NFATC1: variants seen among roughly 807,000 people sequenced by gnomAD.
NFATC1 encodes nuclear factor of activated T cells 1.
NFATC1 carries 22 observed loss-of-function variants against 76.0 expected under a neutral mutation model. The ratio of observed to expected loss-of-function variants is 0.29; its 90% CI spans 0.21 to 0.41. NFATC1 has a LOEUF of 0.41. Among genes scored for constraint, NFATC1 ranks in the 10% least tolerant of loss-of-function variants. The pLI, the probability that NFATC1 is intolerant of heterozygous loss-of-function variation, is 1.00. For missense variants in NFATC1, 1,357 were observed against 1,337.7 expected, an observed-to-expected ratio of 1.01 and a Z score of -0.23; for synonymous variants, 704 against 613.1, an observed-to-expected ratio of 1.15 and a Z score of -2.19.
At chr18:79,400,199 A>C (rs1197206531) in intron 1 of NFATC1, 3 of 1,149,136 alleles carry the variant, frequency 2.6e-6, no homozygotes, top group Non-Finnish European at 3.2e-6. Context: ...GAGTTTATTT[A>C]AAACTCGGAA....
In NFATC1 at chr18:79,524,469, G is replaced by C. The variant is rs1054496697; in HGVS notation, c.2783-3059G>C. 3.3e-5 allele frequency among the ~76,000 whole-genome samples: 5 copies of C among 152,222 alleles called. No individual in the cohort carries two copies. The highest frequency in any genetic ancestry group is 2.0e-4 in the Admixed American group (3 of 15,292). ...GCTGCTGCCATGGGGCAGCGGGAAG[G>C]CCCTGGAGGGTGCCTGGGCTGTGTC... On this transcript the variant is annotated intron_variant, in intron 9 of 9. Coordinates refer to ENST00000427363, the MANE Select transcript of NFATC1 (RefSeq NM_001278669.2). This position sits in a 1 kb window ranked among gnomAD's most constrained non-coding sequence, Gnocchi z 7.2.
At chr18:79,427,965 T>TC (rs2086453651) in intron 2 of NFATC1, among the ~76,000 whole-genome samples, 2 of 9,800 alleles carry the variant, frequency 2.0e-4, no homozygotes. Context: ...GTGCAGTGGG[T>TC]GGCGGGGGGG....
chr18:79,400,598 GA>G, intron 1 of NFATC1: 1 of 936,370 alleles, frequency 1.1e-6, no homozygotes, highest in Non-Finnish European at 1.4e-6. Flanking sequence ...GCGCGCCCGG[GA>G]CCGAGGGGCT....
At chr18:79,427,095 G>C (rs563003093) in intron 2 of NFATC1, among the ~76,000 whole-genome samples, 3 of 152,180 alleles carry the variant, frequency 2.0e-5, no homozygotes, top group African/African-American at 7.2e-5. Context: ...AGCATGTCCC[G>C]GGTTCTTAGG....
chr18:79,507,380 C>T (rs1040443981), intron 9 of NFATC1, among the ~76,000 whole-genome samples: 23 of 152,190 alleles, frequency 1.5e-4, no homozygotes, highest in Admixed American at 9.8e-4. Flanking sequence ...GCCATGCGAG[C>T]GGCCGCGTAA....
chr18:79,478,158 C>A (rs2089151536), intron 8 of NFATC1, among the ~76,000 whole-genome samples: 1 of 140,030 alleles, frequency 7.1e-6, no homozygotes, highest in South Asian at 2.5e-4. Context: ...GTGCTGCAGA[C>A]AGAGCCCCCG....
chr18:79,446,525 A>G (rs1333577859), intron 3 of NFATC1, among the ~76,000 whole-genome samples: 1 of 152,090 alleles, frequency 6.6e-6, no homozygotes, highest in Non-Finnish European at 1.5e-5. Flanking sequence ...TTTTCTTTTT[A>G]CATTTCCCAT....
Position 79,427,132 on chromosome 18 carries a change from G to A in NFATC1, c.1227-6447G>A, listed in dbSNP as rs1470753241. 3.9e-5 allele frequency among the ~76,000 whole-genome samples: 6 copies of A among 152,332 alleles called. No homozygotes were observed. The East Asian group carries it at 9.7e-4, about 25-fold the overall frequency. On this transcript the variant is annotated intron_variant, in intron 2 of 9. Coordinates refer to ENST00000427363, the MANE Select transcript of NFATC1 (RefSeq NM_001278669.2). ...TAAGTGCGTCTTGGCAGGGGGGCCC[G>A]GGGCTGCAGCCCTTCGTGTACCCAC...
chr18:79,451,561 G>T, intron 5 of NFATC1, 115 bp from the exon 6 acceptor site: 1 of 1,211,446 alleles, frequency 8.3e-7, no homozygotes, highest in Non-Finnish European at 1.1e-6. Flanking sequence ...CCCGCAGGTC[G>T]TGGCGGTGCT....
intron 9 of NFATC1, among the ~76,000 whole-genome samples, chr18:79,523,700 C>T (rs1307898939): frequency 6.6e-6 from 1 of 152,040 alleles, no homozygotes; most frequent in Non-Finnish European, 1.5e-5. Context: ...GATGTGGCCT[C>T]GAGGGAGGCT....
intron 2 of NFATC1, among the ~76,000 whole-genome samples, chr18:79,424,929 GTCTC>G (rs140013520): frequency 2.7e-5 from 3 of 109,294 alleles, no homozygotes; most frequent in African/African-American, 6.1e-5. Context: ...GTCTCTCTGT[GTCTC>G]TCTCTGTCTC....
At chr18:79,488,614 G>A (rs2089592220) in intron 9 of NFATC1, among the ~76,000 whole-genome samples, 1 of 152,222 alleles carries the variant, frequency 6.6e-6, no homozygotes, top group South Asian at 2.1e-4. Flanking sequence ...GCCAGCCGGA[G>A]CTCCGCATGG....
At chr18:79,423,324 C>T (rs939879330) in intron 2 of NFATC1, among the ~76,000 whole-genome samples, 6 of 152,232 alleles carry the variant, frequency 3.9e-5, no homozygotes, top group Admixed American at 6.5e-5. Context: ...AGTTCCTGGG[C>T]TGGGCTTACC....
chr18:79,433,633 G>A lies in NFATC1; in HGVS notation c.1281G>A (p.Glu427=), dbSNP rs560678807. The A allele has an allele frequency of 6.2e-7, 1 of 1,613,170 alleles. No homozygotes were observed. Among genetic ancestry groups the A allele is most frequent in the South Asian group, 1.1e-5 (1 of 91,078 alleles). The change falls in exon 3 of 10, where the codon GAG becomes GAA. Residue 427 remains glutamate (E), a synonymous_variant. Transcript: ENST00000427363. ...WQLPSHSGPY[E]LRIEVQPKSH... ...TGCCGTCCCACTCAGGCCCGTATGAGCTTCGGATTGAGGTGCAGCCCAAGT... is the reference window on the plus strand; with the variant it reads ...TGCCGTCCCACTCAGGCCCGTATGAACTTCGGATTGAGGTGCAGCCCAAGT...
rs919191782 is a variant in NFATC1, at chr18:79,410,927, G to C, written c.652G>C (p.Glu218Gln). 1.2e-6 allele frequency: 2 copies of C among 1,605,158 alleles called. No homozygotes were observed. The highest frequency in any genetic ancestry group is 1.3e-5 in the African/African-American group (1 of 74,786). Residue 218 changes from glutamate (E) to glutamine (Q), a missense_variant, in exon 2 of 10, where the codon GAG (glutamate) becomes CAG (glutamine). Physicochemically the swap from Glu to Gln is conservative, Grantham distance 29. Transcript: ENST00000427363. This position sits in a 1 kb window ranked among gnomAD's most constrained non-coding sequence, Gnocchi z 6.7. ...PCVSPKTTDP[E>Q]EGFPRGLGAC... ...CGTGTCTCCCAAGACCACGGACCCC[G>C]AGGAGGGCTTTCCCCGCGGGCTGGG...
intron 1 of NFATC1, among the ~76,000 whole-genome samples, chr18:79,405,332 G>A (rs141196954): frequency 9.8e-5 from 15 of 152,360 alleles, no homozygotes; most frequent in East Asian, 9.6e-4. Flanking sequence ...CAGGCCCTCC[G>A]ACACGGCAGC....
At chr18:79,521,036 TG>T (rs1191417105) in intron 9 of NFATC1, among the ~76,000 whole-genome samples, 1 of 76,330 alleles carries the variant, frequency 1.3e-5, no homozygotes, top group Non-Finnish European at 2.4e-5. Context: ...TGTCTGTGTA[TG>T]GGGGTGGGAG....
chr18:79,455,381 C>T (rs1247311179), intron 6 of NFATC1, among the ~76,000 whole-genome samples: 6 of 144,790 alleles, frequency 4.1e-5, no homozygotes, highest in African/African-American at 5.2e-5. Context: ...CCTGGACGGC[C>T]GGCGTCTCCT....
chr18:79,430,885 G>C (rs904377651), intron 2 of NFATC1, among the ~76,000 whole-genome samples: 1 of 152,174 alleles, frequency 6.6e-6, no homozygotes, highest in African/African-American at 2.4e-5. Context: ...CTCACAGCTG[G>C]CCGCGAGCTC....
Sources: gnomAD v4.1 joint callset for allele counts (sites outside exome capture counted in the v4.1 genomes callset) on GRCh38, gnomAD v4.1.1 for gene constraint, Gnocchi (gnomAD v3.1) non-coding constraint, MANE v1.5 for transcripts, NCBI Gene and HGNC (gene_info 2026-07-23, HGNC 2026-07-21) for gene names.